The following STAR variants were observed in gnomAD, a reference collection of about 807,000 sequenced individuals.
The protein encoded by STAR is steroidogenic acute regulatory protein.
Under a neutral mutation model 32.3 loss-of-function variants are expected in STAR, and 32 were observed. The ratio of observed to expected loss-of-function variants is 0.99; its 90% confidence interval spans 0.75 to 1.33. STAR has a LOEUF of 1.33. STAR is among the 40% of genes most tolerant of loss of function. The probability of loss-of-function intolerance (pLI) is 0.00; values close to 1 mark genes in which losing one functional copy is unlikely to be tolerated. For synonymous variants in STAR, 134 were observed against 140.5 expected, an observed-to-expected ratio of 0.95 and a Z score of 0.33; for missense variants, 375 against 379.0, an observed-to-expected ratio of 0.99 and a Z score of 0.09.
At chr8:38,146,513 C>T in intron 3 of STAR, 66 bp from the exon 4 acceptor site, 2 of 1,566,518 alleles carry the variant, frequency 1.3e-6, no homozygotes, top group South Asian at 1.1e-5. Context: ...CATGGTGGTT[C>T]ACGCCTATAA....
intron 6 of STAR, 43 bp downstream of exon 6, chr8:38,145,179 T>C (rs773492731): frequency 1.2e-6 from 2 of 1,613,536 alleles, no homozygotes; most frequent in African/African-American, 1.3e-5. Context: ...CCTGTTTTTC[T>C]CACTACCACC....
In STAR at chr8:38,145,263, A is replaced by T; in HGVS notation, c.703T>A (p.Ser235Thr). ...AGTAGCCACGTAAGTTTGGTCTTAG[A>T]GGGACTTCCAGCCAACGGGTGAAGC... ...MVLHPLAGSPSKTKLTWLLSI... is the reference protein window; with the variant it reads ...MVLHPLAGSPTKTKLTWLLSI... The change falls in exon 6 of 7, where the codon TCT (serine) becomes ACT (threonine). Residue 235 changes from serine (S) to threonine (T), a missense_variant. Physicochemically the swap from Ser to Thr is moderately conservative, Grantham distance 58. Transcript: ENST00000276449. 3.1e-6 allele frequency: 5 copies of T among 1,614,162 alleles called. No individual in the cohort carries two copies. Among genetic ancestry groups the T allele is most frequent in the Non-Finnish European group, 4.2e-6 (5 of 1,180,036 alleles).
At chr8:38,145,396 A>G (rs1802552332) in intron 5 of STAR, 81 bp from the exon 6 acceptor site, 1 of 1,569,458 alleles carries the variant, frequency 6.4e-7, no homozygotes, top group Admixed American at 1.7e-5. Context: ...ACCATAGATA[A>G]CACGTTTCTA....
chr8:38,149,811 C>A (rs1802636952), intron 1 of STAR, among the ~76,000 whole-genome samples: 1 of 152,126 alleles, frequency 6.6e-6, no homozygotes, highest in South Asian at 2.1e-4. Context: ...TGCACTCCAG[C>A]CTAGGCAACA....
rs190158342 is a variant in STAR, at chr8:38,148,051, C to G, written c.306+149G>C. 4 of 1,016,722 alleles carry G rather than the reference C, an allele frequency of 3.9e-6. No individual in the cohort carries two copies. The East Asian group carries it at 1.1e-4, about 27-fold the overall frequency. 63.0% of individuals were successfully genotyped at this position (1,016,722 alleles called of 1,614,324 possible). On this transcript the variant is annotated intron_variant, in intron 3 of 6. Coordinates refer to ENST00000276449, the MANE Select transcript of STAR (RefSeq NM_000349.3). ...GAAGAGCATTATCTGAGGATATATT[C>G]TCGAGAAAGGAGAGTTCTCAAGATA...
chr8:38,148,412 A>T (rs1230150483), intron 2 of STAR, 85 bp from the exon 3 acceptor site: 1 of 1,588,952 alleles, frequency 6.3e-7, no homozygotes, highest in Admixed American at 1.8e-5. Context: ...GGGTCTGCTC[A>T]TTGCTCTGAA....
chr8:38,144,026 C>T lies in STAR; in HGVS notation c.*247G>A. ...AAAAGTTTTACAATTATTTTAGGGG[C>T]CTGAACCCTCATGTCATAGCTAATC... is the stretch of plus-strand genomic sequence containing the variant. On this transcript the variant is annotated 3_prime_UTR_variant, in exon 7 of 7. Coordinates refer to ENST00000276449, the MANE Select transcript of STAR (RefSeq NM_000349.3). 2.2e-6 allele frequency: 1 copy of T among 464,940 alleles called. No homozygotes were observed. The highest frequency in any genetic ancestry group is 4.5e-5 in the East Asian group (1 of 22,388). The allele number at this position is 464,940 out of a possible 1,614,324, so 28.8% of individuals were successfully genotyped here. A position where few individuals can be genotyped will look rare whatever the true frequency, so the allele number is the denominator to read the frequency against.
intron 3 of STAR, among the ~76,000 whole-genome samples, chr8:38,146,782 T>TAC (rs1802581791): frequency 3.8e-4 from 1 of 2,624 alleles, no homozygotes; most frequent in South Asian, 0.019. Flanking sequence ...AAAAAAATTT[T>TAC]ATATATATAT....
chr8:38,145,669 A>G (rs1802556017), intron 5 of STAR: 3 of 563,812 alleles, frequency 5.3e-6, no homozygotes, highest in African/African-American at 1.9e-5. Flanking sequence ...TTTAGTCTAC[A>G]TTACAGCTGT....
In STAR at chr8:38,144,471, G is replaced by A. The variant is rs908109539; in HGVS notation, c.745-85C>T. 5.2e-6 allele frequency: 8 copies of A among 1,539,550 alleles called. No individual in the cohort carries two copies. In the African/African-American group the frequency reaches 8.2e-5, roughly 16 times the overall value. ...GCACCCTATCACAAACAGGCTGCCA[G>A]GGGCTTGGTCTTCGAGCTCTGTTAA... On this transcript the variant is annotated intron_variant, in intron 6 of 6. Coordinates refer to ENST00000276449, the MANE Select transcript of STAR (RefSeq NM_000349.3).
intron 3 of STAR, among the ~76,000 whole-genome samples, chr8:38,146,921 A>G (rs186201127): frequency 9.5e-4 from 145 of 151,898 alleles, no homozygotes; most frequent in Admixed American, 7.9e-3. Context: ...CATTGTTGCC[A>G]TGGCCTTGTG....
At position 38,146,301 on chromosome 8, in the gene STAR, G is replaced by C; in HGVS notation, c.453C>G (p.Val151=). ...MEAMGEWNPN[V]KEIKVLQKIG... is the part of the protein sequence containing the mutation. ...GGACTTTGCTCACCTTGATCTCCTT[G>C]ACATTGGGGTTCCACTCCCCCATTG... is the stretch of plus-strand genomic sequence containing the variant. The change falls in exon 4 of 7, where the codon GTC becomes GTG. Residue 151 remains valine (V), a synonymous_variant. Coordinates refer to ENST00000276449, the MANE Select transcript of STAR (RefSeq NM_000349.3). The C allele has an allele frequency of 6.8e-6, 11 of 1,614,012 alleles. No individual in the cohort carries two copies. The highest frequency in any genetic ancestry group is 9.3e-6 in the Non-Finnish European group (11 of 1,180,008).
chr8:38,145,982 CAG>C lies in STAR; in HGVS notation c.629_630del (p.Pro210ArgfsTer26), dbSNP rs771895449. 1 of 1,614,024 alleles carries C rather than the reference CAG, an allele frequency of 6.2e-7. No homozygotes were observed. Among genetic ancestry groups the C allele is most frequent in the Non-Finnish European group, 8.5e-7 (1 of 1,180,052 alleles). Reference protein sequence around the residue: ...AGMATDFGNMPEQKGVIRAEH... With the variant: ...AGMATDFGNMXEQKGVIRAEH... ...TATTACCTGATGACACCCTTCTGCTCAGGCATGTTCCCGAAGTCTGTGGCCAT... is the reference window on the plus strand; with the variant it reads ...TATTACCTGATGACACCCTTCTGCTCGCATGTTCCCGAAGTCTGTGGCCAT... On this transcript the variant is annotated frameshift_variant, in exon 5 of 7. Transcript: ENST00000276449. LOFTEE classifies it high-confidence loss of function.
chr8:38,145,767 G>T, intron 5 of STAR, 196 bp downstream of exon 5: 1 of 679,306 alleles, frequency 1.5e-6, no homozygotes, highest in Non-Finnish European at 2.5e-6. Context: ...GTCATGACAA[G>T]CTGTCTGGCT....
rs1802504536 is a variant in STAR at position 38,143,528 on chromosome 8, A to G, written c.*745T>C. 6.6e-6 allele frequency: 1 copy of G among 152,502 alleles called. No homozygotes were observed. The highest frequency in any genetic ancestry group is 2.1e-4 in the South Asian group (1 of 4,846). 9.4% of individuals were successfully genotyped at this position (152,502 alleles called of 1,614,324 possible). A position where few individuals can be genotyped will look rare whatever the true frequency, so the allele number is the denominator to read the frequency against. ...CACCATGTTGGCCAGGATGGTCTCG[A>G]TCTCCTGACCTTGTGATCCGCCTAC... On this transcript the variant is annotated 3_prime_UTR_variant, in exon 7 of 7. Coordinates refer to ENST00000276449, the MANE Select transcript of STAR (RefSeq NM_000349.3).
Position 38,144,309 on chromosome 8 carries a change from G to A in STAR, c.822C>T (p.Arg274=). The change falls in exon 7 of 7, where the codon CGC becomes CGT. Residue 274 remains arginine (R), a synonymous_variant. Transcript: ENST00000276449. ...CTTCAGAGGCAGGGTGGGACTCCAG[G>A]CGCTTGCGCAGGTGGTTGGCAAAAT... ...QVDFANHLRK[R]LESHPASEAR... The A allele has an allele frequency of 6.2e-7, 1 of 1,610,122 alleles. No individual in the cohort carries two copies. The highest frequency in any genetic ancestry group is 8.5e-7 in the Non-Finnish European group (1 of 1,178,416).
chr8:38,144,934 G>A (rs1047180988), intron 6 of STAR: 12 of 1,076,534 alleles, frequency 1.1e-5, no homozygotes, highest in Non-Finnish European at 1.5e-5. Context: ...ACTTGAATCC[G>A]GGAGGCGGAG....
Position 38,148,214 on chromosome 8 carries a change from T to C in STAR, c.292A>G (p.Lys98Glu), listed in dbSNP as rs1193233528. The part of the protein sequence containing the change: ...GILSNQEGWK[K>E]ESQQDNGDKV... ...CCGACACTTACCTGCTGACTCTCCT[T>C]CTTCCAGCCCTCTTGGTTGCTAAGG... Residue 98 changes from lysine to glutamate, a missense_variant, in exon 3 of 7, where the codon AAG becomes GAG. Coordinates refer to ENST00000276449, the MANE Select transcript of STAR (RefSeq NM_000349.3). 5.0e-6 allele frequency: 8 copies of C among 1,613,390 alleles called. No homozygotes were observed. The highest frequency in any genetic ancestry group is 4.0e-5 in the African/African-American group (3 of 74,512).
chr8:38,145,960 T>C lies in STAR; in HGVS notation c.650+3A>G. The C allele has an allele frequency of 6.2e-7, 1 of 1,613,652 alleles. No homozygotes were observed. ...GGGGTTTGGAGCCTGCTGCCCGTAT[T>C]ACCTGATGACACCCTTCTGCTCAGG... On this transcript the variant is annotated splice_donor_region_variant and intron_variant, in intron 5 of 6. Transcript: ENST00000276449.
Sources: gnomAD v4.1 joint callset for allele counts (sites outside exome capture counted in the v4.1 genomes callset) on GRCh38, gnomAD v4.1.1 for gene constraint, MANE v1.5 for transcripts, NCBI Gene and HGNC (gene_info 2026-07-23, HGNC 2026-07-21) for gene names.